CTNNA3: variants seen among roughly 807,000 people sequenced by gnomAD.
CTNNA3 encodes catenin alpha-3.
Under a neutral mutation model 95.7 loss-of-function variants are expected in CTNNA3, and 76 were observed. The observed-to-expected ratio is 0.79, with a 90% CI of 0.66 to 0.96. CTNNA3 has a LOEUF of 0.96. Ranked by LOEUF, CTNNA3 falls within the 40% of genes least tolerant of loss-of-function variation. The pLI is 0.00. For synonymous variants in CTNNA3, 431 were observed against 374.4 expected (o/e 1.15, Z -1.74); for missense variants, 1,191 against 1,089.8 (o/e 1.09, Z -1.31).
chr10:66,600,159 G>A (rs1843869219), intron 10 of CTNNA3, among the ~76,000 whole-genome samples: 1 of 85,990 alleles, frequency 1.2e-5, no homozygotes, highest in South Asian at 4.8e-4. Context: ...AACACATTAA[G>A]TTATATAATT....
chr10:66,954,619 A>G (rs1299841564), intron 7 of CTNNA3, among the ~76,000 whole-genome samples: 1 of 152,208 alleles, frequency 6.6e-6, no homozygotes, highest in Admixed American at 6.6e-5. Context: ...TAACAGAAGG[A>G]AAATGAGGTT....
chr10:66,145,984 G>A (rs1400716057), intron 13 of CTNNA3, among the ~76,000 whole-genome samples: 1 of 152,054 alleles, frequency 6.6e-6, no homozygotes, highest in Non-Finnish European at 1.5e-5. Context: ...CTCCCGAGTA[G>A]CTGGGACTAT....
rs370840925 is a variant in CTNNA3, at chr10:67,454,032, T to C, written c.579+67810A>G. The stretch of plus-strand genomic sequence containing the variant: ...AAGAATTTCCTCTGTATGTAAACAA[T>C]ATAAATAAAATATGCATTGGATATG... On this transcript the variant is annotated intron_variant, in intron 5 of 17. Transcript: ENST00000433211. Among the ~76,000 whole-genome samples, 192 of 152,238 alleles carry C rather than the reference T, an allele frequency of 1.3e-3. 1 individual carries two copies. The highest frequency in any genetic ancestry group is 4.3e-3 in the African/African-American group (180 of 41,554).
chr10:66,119,905 T>C (rs1000507942), intron 13 of CTNNA3, among the ~76,000 whole-genome samples: 4 of 152,138 alleles, frequency 2.6e-5, no homozygotes, highest in South Asian at 2.1e-4. Context: ...GTTTCATATA[T>C]TGAAAAATAA....
intron 7 of CTNNA3, among the ~76,000 whole-genome samples, chr10:66,889,180 A>G (rs528332056): frequency 3.3e-5 from 5 of 152,366 alleles, no homozygotes; most frequent in South Asian, 4.1e-4. Flanking sequence ...TTATGAAGGC[A>G]GTAAAACTAT....
chr10:67,535,932 G>T (rs1033213821), intron 4 of CTNNA3, among the ~76,000 whole-genome samples: 1 of 152,070 alleles, frequency 6.6e-6, no homozygotes, highest in Non-Finnish European at 1.5e-5. Flanking sequence ...ATCAAAAATA[G>T]CCATTCACAT....
At chr10:66,467,755 T>A (rs1002242906) in intron 11 of CTNNA3, among the ~76,000 whole-genome samples, 3 of 152,088 alleles carry the variant, frequency 2.0e-5, no homozygotes, top group African/African-American at 7.2e-5. Flanking sequence ...GAACTTAGAT[T>A]GTCCTGCTCT....
intron 17 of CTNNA3, among the ~76,000 whole-genome samples, chr10:65,945,167 T>C (rs1462549792): frequency 6.6e-6 from 1 of 151,958 alleles, no homozygotes; most frequent in Non-Finnish European, 1.5e-5. Flanking sequence ...TGTGTATATA[T>C]ATATATATAG....
chr10:66,178,494 T>TAC (rs35277811), intron 13 of CTNNA3, among the ~76,000 whole-genome samples: 90,427 of 120,772 alleles, frequency 0.75, 30,097 homozygotes, highest in African/African-American at 0.83. Context: ...CACACACACA[T>TAC]ACACACACCC....
At chr10:66,372,366 T>C (rs2092760737) in intron 12 of CTNNA3, among the ~76,000 whole-genome samples, 1 of 152,180 alleles carries the variant, frequency 6.6e-6, no homozygotes, top group Non-Finnish European at 1.5e-5. Context: ...CTAGATGATA[T>C]CTTGTTTCCC....
At chr10:67,259,849 T>C (rs1268177552) in intron 5 of CTNNA3, among the ~76,000 whole-genome samples, 1 of 152,134 alleles carries the variant, frequency 6.6e-6, no homozygotes, top group East Asian at 1.9e-4. Flanking sequence ...CAGTTTCCTG[T>C]AAAGTGTAAT....
intron 7 of CTNNA3, among the ~76,000 whole-genome samples, chr10:67,097,003 C>T (rs938687596): frequency 6.6e-6 from 1 of 151,848 alleles, no homozygotes; most frequent in South Asian, 2.1e-4. Context: ...TAATTCTCTT[C>T]TGCAATGGTT....
At chr10:66,519,111 A>C (rs1208149330) in intron 11 of CTNNA3, among the ~76,000 whole-genome samples, 13 of 152,138 alleles carry the variant, frequency 8.5e-5, no homozygotes, top group Admixed American at 7.2e-4. Context: ...TCTCTTACAA[A>C]AAAGGAAAAA....
chr10:66,794,302 T>A (rs1263696722), intron 7 of CTNNA3, among the ~76,000 whole-genome samples: 1 of 152,116 alleles, frequency 6.6e-6, no homozygotes, highest in African/African-American at 2.4e-5. Context: ...ATATTCGGGT[T>A]CAGTTCCATA....
chr10:66,498,946 C>A (rs1184168945), intron 11 of CTNNA3, among the ~76,000 whole-genome samples: 1 of 152,140 alleles, frequency 6.6e-6, no homozygotes, highest in Non-Finnish European at 1.5e-5. Flanking sequence ...AAATCATATA[C>A]AAGTTTATTT....
chr10:67,048,019 C>A (rs1854857661), intron 7 of CTNNA3, among the ~76,000 whole-genome samples: 1 of 152,102 alleles, frequency 6.6e-6, no homozygotes, highest in Admixed American at 6.5e-5. Context: ...TGTGTTCTTT[C>A]TAAGAATGAA....
At chr10:66,371,860 C>T (rs183390156) in intron 12 of CTNNA3, among the ~76,000 whole-genome samples, 1 of 152,238 alleles carries the variant, frequency 6.6e-6, no homozygotes, top group East Asian at 1.9e-4. Flanking sequence ...TAAGATAATG[C>T]TTCTGGCACT....
intron 9 of CTNNA3, among the ~76,000 whole-genome samples, chr10:66,629,318 G>C (rs1439660373): frequency 6.6e-6 from 1 of 151,988 alleles, no homozygotes; most frequent in Non-Finnish European, 1.5e-5. Context: ...AGAGCTACAG[G>C]TCGCCTGGAT....
intron 13 of CTNNA3, among the ~76,000 whole-genome samples, chr10:66,185,209 T>C (rs1258413697): frequency 6.6e-6 from 1 of 152,094 alleles, no homozygotes; most frequent in Non-Finnish European, 1.5e-5. Flanking sequence ...ACAATTTCGG[T>C]AAATAAATAG....
Sources: gnomAD v4.1 joint callset for allele counts (sites outside exome capture counted in the v4.1 genomes callset) on GRCh38, gnomAD v4.1.1 for gene constraint, MANE v1.5 for transcripts, NCBI Gene and HGNC (gene_info 2026-07-23, HGNC 2026-07-21) for gene names.